Variants in CELF1 observed in about 807,000 individuals in gnomAD.
CELF1 encodes CUGBP Elav-like family member 1.
Under a neutral mutation model 61.8 loss-of-function variants are expected in CELF1, and 10 were observed. That is an observed-to-expected ratio of 0.16 (90% CI 0.10 to 0.27). CELF1 has a LOEUF of 0.27. CELF1 is among the 10% of genes least tolerant of loss of function. The pLI, the probability that CELF1 is intolerant of heterozygous loss-of-function variation, is 1.00. For missense variants in CELF1, 380 were observed against 639.1 expected (o/e 0.59, Z 4.37); for synonymous variants, 236 against 225.1 (o/e 1.05, Z -0.43).
intron 13 of CELF1, among the ~76,000 whole-genome samples, chr11:47,474,863 C>A (rs1327465252): frequency 2.6e-5 from 4 of 152,210 alleles, no homozygotes; most frequent in Non-Finnish European, 5.9e-5. Flanking sequence ...CCCACTCCAT[C>A]AACTCATGGG....
At chr11:47,524,120 A>T (rs1163525959) in intron 1 of CELF1, 1 of 152,160 alleles carries the variant, frequency 6.6e-6, no homozygotes, top group Non-Finnish European at 1.5e-5. Context: ...CCTGGCAGAC[A>T]GCGAAGTCAA....
intron 1 of CELF1, among the ~76,000 whole-genome samples, chr11:47,546,892 T>C (rs4752846): frequency 1 from 151,034 of 151,776 alleles, 75,154 homozygotes; most frequent in Middle Eastern, 1. Context: ...TGGAGAAACC[T>C]CCGTCTCTAC....
At chr11:47,482,297 C>G (rs565254239) in intron 9 of CELF1, 1 of 154,850 alleles carries the variant, frequency 6.5e-6, no homozygotes, top group East Asian at 1.9e-4. Flanking sequence ...TTATCATACT[C>G]TTTAGGAAAG....
Position 47,483,567 on chromosome 11 carries a change from T to C in CELF1, c.527-35A>G, listed in dbSNP as rs144109825. On this transcript the variant is annotated intron_variant, in intron 7 of 14. Coordinates refer to ENST00000687097, the MANE Select transcript of CELF1 (RefSeq NM_001376376.1). ...GAAGAGTCAGTAACTCATGCATTCA[T>C]TTATTTCTCTGACAAACATTAACTG... 294 of 1,515,176 alleles carry C rather than the reference T, an allele frequency of 1.9e-4. 4 individuals carry two copies. The East Asian group carries it at 6.6e-3, about 34-fold the overall frequency. The allele number at this position is 1,515,176 out of a possible 1,614,324, so 93.9% of individuals were successfully genotyped here.
intron 1 of CELF1, among the ~76,000 whole-genome samples, chr11:47,529,282 C>T (rs977490850): frequency 5.9e-5 from 8 of 135,936 alleles, no homozygotes; most frequent in African/African-American, 2.0e-4. Context: ...GAGACGAGGC[C>T]GGGGACAGTG....
chr11:47,521,656 T>C (rs1320356215), intron 1 of CELF1, among the ~76,000 whole-genome samples: 1 of 152,234 alleles, frequency 6.6e-6, no homozygotes, highest in East Asian at 1.9e-4. Context: ...GCCTGACACA[T>C]AGAAAGTGCT....
chr11:47,526,894 T>C (rs1175446413), intron 1 of CELF1, among the ~76,000 whole-genome samples: 1 of 151,772 alleles, frequency 6.6e-6, no homozygotes, highest in African/African-American at 2.4e-5. Context: ...CTATTAAAAA[T>C]ACAAAAATTA....
intron 1 of CELF1, among the ~76,000 whole-genome samples, 187 bp downstream of exon 1, chr11:47,552,805 G>A (rs932895257): frequency 6.6e-6 from 1 of 152,156 alleles, no homozygotes; most frequent in Admixed American, 6.5e-5. Context: ...CCGGGGAGCC[G>A]GGGACCCCGA....
intron 1 of CELF1, among the ~76,000 whole-genome samples, chr11:47,552,274 A>G (rs139252377): frequency 6.6e-6 from 1 of 152,174 alleles, no homozygotes; most frequent in Non-Finnish European, 1.5e-5. Flanking sequence ...TGCATGTGTA[A>G]TGGTCTCCAA....
At chr11:47,552,642 G>A (rs943884802) in intron 1 of CELF1, among the ~76,000 whole-genome samples, 4 of 152,238 alleles carry the variant, frequency 2.6e-5, no homozygotes, top group Admixed American at 6.5e-5. Context: ...ACGGCAGCCA[G>A]AAAGACGAGG....
chr11:47,543,918 G>A (rs926618492), intron 1 of CELF1, among the ~76,000 whole-genome samples: 22 of 152,168 alleles, frequency 1.4e-4, no homozygotes. Flanking sequence ...AAACTACGAA[G>A]AGACCCAAGT....
chr11:47,493,513 GAA>G (rs35976407), intron 3 of CELF1, among the ~76,000 whole-genome samples: 4,975 of 84,986 alleles, frequency 0.059, 121 homozygotes, highest in Middle Eastern at 0.1. Context: ...ATCTCAAAAA[GAA>G]AAAAAAAAAA....
chr11:47,530,273 G>A (rs2096420986), intron 1 of CELF1, among the ~76,000 whole-genome samples: 1 of 152,092 alleles, frequency 6.6e-6, no homozygotes, highest in Non-Finnish European at 1.5e-5. Context: ...CAAGTTCAAG[G>A]AAGAAGAGGT....
At chr11:47,502,402 GA>G (rs1399600206) in intron 1 of CELF1, among the ~76,000 whole-genome samples, 1 of 152,150 alleles carries the variant, frequency 6.6e-6, no homozygotes, top group African/African-American at 2.4e-5. Context: ...AAGAGGTTAT[GA>G]AGTTAAGTGA....
intron 3 of CELF1, among the ~76,000 whole-genome samples, chr11:47,493,081 A>G (rs1056947942): frequency 6.6e-6 from 1 of 152,132 alleles, no homozygotes; most frequent in African/African-American, 2.4e-5. Context: ...AGTTTACCCA[A>G]AAGTTTAGCA....
intron 1 of CELF1, among the ~76,000 whole-genome samples, chr11:47,521,204 G>A (rs111841223): frequency 0.016 from 2,429 of 151,322 alleles, 51 homozygotes; most frequent in African/African-American, 0.049. Context: ...GTGAGCCGAC[G>A]TCGTGCCACT....
At position 47,499,454 on chromosome 11, in the gene CELF1, C is replaced by G; in HGVS notation, c.70G>C (p.Val24Leu). Residue 24 changes from valine (V) to leucine (L), a missense_variant and splice_region_variant, in exon 3 of 15, where the codon GTC (valine) becomes CTC (leucine). By Grantham distance (32) the Val-to-Leu change is conservative. Transcript: ENST00000687097. ...AAATTAGACAACAAAAATACTTACA[C>G]GGGACTGGAATTCAAAGAGCAATGA... ...VDHCSLNSSP[V>L]SKKMNGTLDH... 6.5e-7 allele frequency: 1 copy of G among 1,534,958 alleles called. No homozygotes were observed. Among genetic ancestry groups the G allele is most frequent in the Non-Finnish European group, 8.7e-7 (1 of 1,145,950 alleles).
In CELF1 at chr11:47,519,484, TAAA is replaced by T. The variant is rs1350762619; in HGVS notation, c.-153-18555_-153-18553del. ...GACAGAGCGAGACTCCATCTCTAAA[TAAA>T]TAAATAAATAAATAAATAAATAAAT... On this transcript the variant is annotated intron_variant, in intron 1 of 14. Coordinates refer to ENST00000687097, the MANE Select transcript of CELF1 (RefSeq NM_001376376.1). Among the ~76,000 whole-genome samples, 6 of 26,646 alleles carry T rather than the reference TAAA, an allele frequency of 2.3e-4. No individual in the cohort carries two copies. In the Admixed American group the frequency reaches 3.7e-3, roughly 16 times the overall value. 17.5% of individuals were successfully genotyped at this position (26,646 alleles called of 152,430 possible).
intron 1 of CELF1, among the ~76,000 whole-genome samples, chr11:47,539,770 C>CA (rs2096728162): frequency 6.6e-6 from 1 of 152,220 alleles, no homozygotes; most frequent in African/African-American, 2.4e-5. Context: ...TTTTGCTCTG[C>CA]ATGTGGATGG....
Sources: allele counts gnomAD v4.1 joint callset (sites outside exome capture counted in the v4.1 genomes callset), GRCh38; gene constraint gnomAD v4.1.1; transcripts MANE v1.5; gene names NCBI Gene and HGNC (gene_info 2026-07-23, HGNC 2026-07-21).